The following CDC14B variants were observed in gnomAD, a reference collection of about 807,000 sequenced individuals.
CDC14B encodes the protein cell division cycle 14B, also known as dual specificity protein phosphatase CDC14B.
A neutral mutation model predicts 64.2 loss-of-function variants in CDC14B; 22 were observed. The observed-to-expected ratio is 0.34, with a 90% CI of 0.24 to 0.49. The LOEUF (loss-of-function observed/expected upper bound fraction) is 0.49. Ranked by LOEUF, CDC14B falls within the 20% of genes least tolerant of loss-of-function variation. The pLI is 0.99. For missense variants in CDC14B, 498 were observed against 629.9 expected (o/e 0.79, Z 2.24); for synonymous variants, 191 against 215.8 (o/e 0.89, Z 1.01).
At chr9:96,506,881 C>T (rs1834192217) in intron 13 of CDC14B, among the ~76,000 whole-genome samples, 2 of 152,210 alleles carry the variant, frequency 1.3e-5, no homozygotes, top group African/African-American at 2.4e-5. Flanking sequence ...CACAGGAAGA[C>T]GATATGACCT....
intron 1 of CDC14B, among the ~76,000 whole-genome samples, chr9:96,597,937 T>C (rs977773235): frequency 6.6e-6 from 1 of 152,184 alleles, no homozygotes; most frequent in Non-Finnish European, 1.5e-5. Flanking sequence ...GAAGAAAACA[T>C]AGAGGAACTC....
At chr9:96,546,725 C>T (rs1489961627) in intron 5 of CDC14B, among the ~76,000 whole-genome samples, 1 of 151,804 alleles carries the variant, frequency 6.6e-6, no homozygotes, top group African/African-American at 2.4e-5. Flanking sequence ...GGCAGGATTA[C>T]AGGCGTGAGC....
At chr9:96,562,647 C>G (rs748869869) in intron 4 of CDC14B, 46 bp downstream of exon 4, 33 of 1,199,944 alleles carry the variant, frequency 2.8e-5, no homozygotes, top group Non-Finnish European at 3.8e-5. Flanking sequence ...TAAAGAACCA[C>G]TGTTGTGTGC....
chr9:96,543,102 C>T (rs554606181), intron 5 of CDC14B, among the ~76,000 whole-genome samples: 82 of 152,220 alleles, frequency 5.4e-4, no homozygotes, highest in African/African-American at 1.8e-3. Context: ...TTTGCGAGGC[C>T]GAGGCAAGTG....
chr9:96,538,185 A>G (rs375748023), intron 7 of CDC14B, among the ~76,000 whole-genome samples: 1 of 152,232 alleles, frequency 6.6e-6, no homozygotes, highest in African/African-American at 2.4e-5. Context: ...GGGTTTTAAA[A>G]GCATCTCAAT....
chr9:96,559,728 T>TG (rs906981702), intron 4 of CDC14B, among the ~76,000 whole-genome samples: 2 of 152,200 alleles, frequency 1.3e-5, no homozygotes, highest in African/African-American at 4.8e-5. Flanking sequence ...ATAATCCTCC[T>TG]GCCAAGCTAG....
intron 1 of CDC14B, among the ~76,000 whole-genome samples, chr9:96,568,522 T>C (rs1006049312): frequency 6.6e-6 from 1 of 152,046 alleles, no homozygotes; most frequent in Non-Finnish European, 1.5e-5. Context: ...TGTCGGGAGG[T>C]TGAGAGCACT....
chr9:96,530,909 G>A (rs1366321075), intron 9 of CDC14B, among the ~76,000 whole-genome samples: 4 of 152,190 alleles, frequency 2.6e-5, no homozygotes, highest in Non-Finnish European at 2.9e-5. Flanking sequence ...TTTGTGCAGA[G>A]ATGATCGTAT....
At chr9:96,597,501 G>GA (rs1217556598) in intron 1 of CDC14B, among the ~76,000 whole-genome samples, 795 of 66,778 alleles carry the variant, frequency 0.012, 4 homozygotes, top group East Asian at 0.021. Context: ...TTCCAAAAAA[G>GA]AAAAAAAAAA....
intron 6 of CDC14B, 103 bp from the exon 7 acceptor site, chr9:96,539,243 T>C (rs1564282839): frequency 7.7e-6 from 6 of 780,804 alleles, no homozygotes; most frequent in Admixed American, 2.2e-5. Flanking sequence ...CAAGAAAGTA[T>C]TGTCATGATC....
At chr9:96,529,401 T>C (rs895215791) in intron 9 of CDC14B, among the ~76,000 whole-genome samples, 2 of 152,172 alleles carry the variant, frequency 1.3e-5, no homozygotes, top group African/African-American at 4.8e-5. Flanking sequence ...CAAGGATTTA[T>C]TTCTGAGCTC....
intron 4 of CDC14B, among the ~76,000 whole-genome samples, chr9:96,556,716 C>T (rs1211393055): frequency 6.6e-6 from 1 of 151,960 alleles, no homozygotes; most frequent in African/African-American, 2.4e-5. Flanking sequence ...AATTAGTACA[C>T]ATTTGAGTGG....
At chr9:96,571,061 G>A (rs866069890) in intron 1 of CDC14B, among the ~76,000 whole-genome samples, 2 of 151,886 alleles carry the variant, frequency 1.3e-5, no homozygotes, top group Non-Finnish European at 2.9e-5. Context: ...TCCAATATAC[G>A]GCAGGTGTTA....
At chr9:96,593,395 G>A (rs566841686) in intron 1 of CDC14B, among the ~76,000 whole-genome samples, 1 of 151,376 alleles carries the variant, frequency 6.6e-6, no homozygotes, top group South Asian at 2.1e-4. Context: ...ACTGAGGCAG[G>A]AGAATTTCTT....
At chr9:96,616,673 G>A (rs1043071835) in intron 1 of CDC14B, among the ~76,000 whole-genome samples, 5 of 151,158 alleles carry the variant, frequency 3.3e-5, no homozygotes, top group East Asian at 1.9e-4. Context: ...GCAGTGAGCC[G>A]AGATTGAGCC....
chr9:96,613,141 TCTCTG>T (rs1257631476), intron 1 of CDC14B, among the ~76,000 whole-genome samples: 2 of 152,240 alleles, frequency 1.3e-5, no homozygotes. Context: ...CCCAATTTTA[TCTCTG>T]GCCCTTTGGC....
intron 1 of CDC14B, among the ~76,000 whole-genome samples, chr9:96,603,776 T>C (rs1002922992): frequency 6.6e-6 from 1 of 152,044 alleles, no homozygotes; most frequent in Non-Finnish European, 1.5e-5. Flanking sequence ...GAAAAGACAC[T>C]GCGCAAGATT....
At chr9:96,609,330 T>C (rs556003909) in intron 1 of CDC14B, among the ~76,000 whole-genome samples, 147 of 152,328 alleles carry the variant, frequency 9.7e-4, no homozygotes, top group Non-Finnish European at 1.7e-3. Context: ...TTCAAACTGA[T>C]GCTATTTAAA....
intron 1 of CDC14B, among the ~76,000 whole-genome samples, chr9:96,577,856 T>C (rs1196479444): frequency 2.0e-5 from 3 of 152,238 alleles, no homozygotes; most frequent in South Asian, 2.1e-4. Flanking sequence ...TCATTATTTA[T>C]AATAGGCAAA....
Sources: allele counts gnomAD v4.1 joint callset (sites outside exome capture counted in the v4.1 genomes callset), GRCh38; gene constraint gnomAD v4.1.1; transcripts MANE v1.5; gene names NCBI Gene and HGNC (gene_info 2026-07-23, HGNC 2026-07-21).